The following DIP2C variants were observed in gnomAD, a reference collection of about 807,000 sequenced individuals.
The protein encoded by DIP2C is disco-interacting protein 2 homolog C.
DIP2C carries 33 observed loss-of-function variants against 192.4 expected under a neutral mutation model. The observed-to-expected ratio is 0.17, with a 90% CI of 0.13 to 0.23. DIP2C has a LOEUF of 0.23. Ranked by LOEUF, DIP2C falls within the 10% of genes least tolerant of loss-of-function variation. DIP2C has a pLI of 1.00. For synonymous variants in DIP2C, 979 were observed against 864.1 expected, an observed-to-expected ratio of 1.13 and a Z score of -2.33; for missense variants, 1,537 against 2,110.1, an observed-to-expected ratio of 0.73 and a Z score of 5.32.
At chr10:286,380 G>A in intron 33 of DIP2C, 33 bp from the exon 34 acceptor site, 3 of 1,591,514 alleles carry the variant, frequency 1.9e-6, no homozygotes, top group Non-Finnish European at 2.6e-6. Context: ...CTTGTCAATG[G>A]GAGGAATACA....
chr10:431,128 G>A (rs1157540757), intron 4 of DIP2C, among the ~76,000 whole-genome samples: 1 of 152,136 alleles, frequency 6.6e-6, no homozygotes, highest in Non-Finnish European at 1.5e-5. Flanking sequence ...AGTAAGTCTT[G>A]AAGTTGCATA....
At chr10:503,375 T>C (rs1035292792) in intron 1 of DIP2C, among the ~76,000 whole-genome samples, 1 of 152,166 alleles carries the variant, frequency 6.6e-6, no homozygotes, top group Admixed American at 6.5e-5. Flanking sequence ...TTCAATGAAG[T>C]GGATGGACAT....
At chr10:612,884 G>GAA (rs1318525744) in intron 1 of DIP2C, among the ~76,000 whole-genome samples, 2 of 152,206 alleles carry the variant, frequency 1.3e-5, no homozygotes, top group Non-Finnish European at 2.9e-5. Context: ...CTTGGTTACG[G>GAA]AAAGCACTGG....
chr10:683,426 T>G (rs77026624), intron 1 of DIP2C, among the ~76,000 whole-genome samples: 4,898 of 152,260 alleles, frequency 0.032, 243 homozygotes, highest in African/African-American at 0.11. Flanking sequence ...ACAATAGTCA[T>G]AAACCCTGCA....
chr10:316,201 G>A (rs1481791177), intron 31 of DIP2C, among the ~76,000 whole-genome samples: 1 of 152,056 alleles, frequency 6.6e-6, no homozygotes, highest in East Asian at 1.9e-4. Flanking sequence ...TTGCTTCTTT[G>A]CAGGTCTTTT....
chr10:446,941 G>A (rs1042322166), intron 3 of DIP2C, among the ~76,000 whole-genome samples: 2 of 152,186 alleles, frequency 1.3e-5, no homozygotes, highest in African/African-American at 2.4e-5. Context: ...AAACTCAACT[G>A]GTTGTGATAT....
chr10:492,135 C>T (rs1404970847), intron 1 of DIP2C, among the ~76,000 whole-genome samples: 1 of 152,224 alleles, frequency 6.6e-6, no homozygotes, highest in Admixed American at 6.5e-5. Context: ...CGCCGCGGGC[C>T]CCCGTGTCGG....
intron 1 of DIP2C, among the ~76,000 whole-genome samples, chr10:580,889 T>TAC (rs768185968): frequency 5.3e-5 from 8 of 152,256 alleles, no homozygotes; most frequent in African/African-American, 4.8e-5. Flanking sequence ...CCTAACATAG[T>TAC]ACACGTCAGG....
chr10:417,579 AGT>A (rs1406118698), intron 6 of DIP2C, among the ~76,000 whole-genome samples: 1 of 152,002 alleles, frequency 6.6e-6, no homozygotes, highest in African/African-American at 2.4e-5. Flanking sequence ...AGGATGTGGC[AGT>A]GCGCCTGTTG....
intron 26 of DIP2C, among the ~76,000 whole-genome samples, chr10:346,745 AT>A (rs1564592488): frequency 1.5e-5 from 2 of 136,796 alleles, no homozygotes; most frequent in Admixed American, 7.1e-5. Flanking sequence ...ACCCAGACAC[AT>A]CACGCATAGT....
chr10:603,297 TC>T (rs1564255237), intron 1 of DIP2C, among the ~76,000 whole-genome samples: 3 of 32,984 alleles, frequency 9.1e-5, no homozygotes, highest in African/African-American at 6.4e-4. Flanking sequence ...AGACTCCATC[TC>T]AAAAAAAAAA....
intron 1 of DIP2C, among the ~76,000 whole-genome samples, chr10:544,466 G>A (rs568137533): frequency 6.6e-6 from 1 of 152,298 alleles, no homozygotes; most frequent in Admixed American, 6.5e-5. Flanking sequence ...TGAAATTGCT[G>A]GGTCGTACAG....
At chr10:572,380 A>G (rs1244978352) in intron 1 of DIP2C, among the ~76,000 whole-genome samples, 1 of 152,222 alleles carries the variant, frequency 6.6e-6, no homozygotes, top group East Asian at 1.9e-4. Flanking sequence ...AACTCCGTCC[A>G]GGCAGAGGGT....
At chr10:488,848 C>T (rs1042036539) in intron 1 of DIP2C, among the ~76,000 whole-genome samples, 1 of 152,196 alleles carries the variant, frequency 6.6e-6, no homozygotes, top group South Asian at 2.1e-4. Flanking sequence ...GTGCCCCAAC[C>T]CAGTTGTCTT....
chr10:681,619 C>A (rs1831137247), intron 1 of DIP2C, among the ~76,000 whole-genome samples: 1 of 152,150 alleles, frequency 6.6e-6, no homozygotes, highest in African/African-American at 2.4e-5. Flanking sequence ...CAGCCACCAT[C>A]TATGGCCACG....
intron 7 of DIP2C, among the ~76,000 whole-genome samples, chr10:415,078 A>G (rs2133106223): frequency 6.6e-6 from 1 of 151,938 alleles, no homozygotes; most frequent in Admixed American, 6.6e-5. Flanking sequence ...AGTACTCTGA[A>G]TAACAGGAAC....
chr10:547,093 C>T (rs1848323345), intron 1 of DIP2C, among the ~76,000 whole-genome samples: 1 of 152,208 alleles, frequency 6.6e-6, no homozygotes, highest in Non-Finnish European at 1.5e-5. Flanking sequence ...ACCATCAAAT[C>T]CTCGGAAGAC....
At chr10:644,722 A>G (rs1025186376) in intron 1 of DIP2C, among the ~76,000 whole-genome samples, 1 of 152,234 alleles carries the variant, frequency 6.6e-6, no homozygotes, top group African/African-American at 2.4e-5. Context: ...GCTCTGCCCA[A>G]TGCCCCCACT....
At chr10:617,272 A>T (rs1853534643) in intron 1 of DIP2C, among the ~76,000 whole-genome samples, 1 of 151,624 alleles carries the variant, frequency 6.6e-6, no homozygotes, top group South Asian at 2.1e-4. Context: ...GACTGCAAAT[A>T]GCAGCGGGGT....
Sources: gnomAD v4.1 joint callset for allele counts (sites outside exome capture counted in the v4.1 genomes callset) on GRCh38, gnomAD v4.1.1 for gene constraint, MANE v1.5 for transcripts, NCBI Gene and HGNC (gene_info 2026-07-23, HGNC 2026-07-21) for gene names.